MGA: variants seen among roughly 807,000 people sequenced by gnomAD.
MGA encodes the protein MAX dimerization protein MGA.
A neutral mutation model predicts 261.1 loss-of-function variants in MGA; 40 were observed. The observed-to-expected ratio is 0.15, with a 90% confidence interval of 0.12 to 0.20. MGA has a LOEUF of 0.20. Ranked by LOEUF, MGA falls within the 10% of genes least tolerant of loss-of-function variation. MGA has a pLI of 1.00. For synonymous variants in MGA, 1,302 were observed against 1,290.6 expected (o/e 1.01, Z -0.19); for missense variants, 3,397 against 3,630.5 (o/e 0.94, Z 1.65).
chr15:41,736,481 A>G lies in MGA; in HGVS notation c.4217A>G (p.Asp1406Gly), dbSNP rs977834935. The G allele has an allele frequency of 1.2e-6, 2 of 1,613,876 alleles. No homozygotes were observed. The highest frequency in any genetic ancestry group is 2.7e-5 in the African/African-American group (2 of 74,914). The change falls in exon 13 of 24, where the codon GAT becomes GGT. Residue 1406 changes from aspartate to glycine, a missense_variant. By Grantham distance (94) the Asp-to-Gly change is moderately conservative. Around this residue, in one of 9 missense-constraint regions of MGA, gnomAD observed 1,410 missense variants for 1,386.4 expected, o/e 1.02. Coordinates refer to ENST00000219905, the MANE Select transcript of MGA (RefSeq NM_001164273.2). ...TCTATGCCATCATGTCAAGACCAAG[A>G]TGATATGGCTGAGAAATCTGGATCA... is the stretch of plus-strand genomic sequence containing the variant.
intron 15 of MGA, among the ~76,000 whole-genome samples, chr15:41,746,411 G>A (rs879519165): frequency 1.3e-5 from 2 of 151,996 alleles, no homozygotes; most frequent in Admixed American, 6.6e-5. Flanking sequence ...GGATGTGGTG[G>A]TTGCATGCCT....
In MGA at chr15:41,736,558, G is replaced by T; in HGVS notation, c.4294G>T (p.Val1432Leu). ...TGGGAAAATGGAGGATATCTCTCCT[G>T]TGCAGACAGATGCCCTGGATTCAGT... The change falls in exon 13 of 24, where the codon GTG becomes TTG. Residue 1432 changes from valine (V) to leucine (L), a missense_variant. Physicochemically the swap from Val to Leu is conservative, Grantham distance 32 (BLOSUM62 1). Transcript: ENST00000219905. The T allele has an allele frequency of 1.2e-6, 2 of 1,614,018 alleles. No homozygotes were observed. Among genetic ancestry groups the T allele is most frequent in the Non-Finnish European group, 1.7e-6 (2 of 1,179,890 alleles).
intron 4 of MGA, 44 bp downstream of exon 4, chr15:41,698,985 C>T (rs1286563205): frequency 1.9e-6 from 3 of 1,542,690 alleles, no homozygotes; most frequent in African/African-American, 2.7e-5. Context: ...GTGGTTTGGG[C>T]TCCAGCAATG....
intron 1 of MGA, among the ~76,000 whole-genome samples, chr15:41,638,286 G>A (rs1211637789): frequency 6.6e-6 from 1 of 151,570 alleles, no homozygotes; most frequent in Non-Finnish European, 1.5e-5. Context: ...CAGGTGATCC[G>A]CCTGTCTCGG....
intron 5 of MGA, among the ~76,000 whole-genome samples, chr15:41,704,134 T>C (rs2059991317): frequency 6.6e-6 from 1 of 152,180 alleles, no homozygotes; most frequent in African/African-American, 2.4e-5. Flanking sequence ...TAATTTCCTT[T>C]ATGAGTAATG....
chr15:41,711,468 A>T, intron 8 of MGA, 119 bp downstream of exon 8: 1 of 1,025,456 alleles, frequency 9.8e-7, no homozygotes, highest in Non-Finnish European at 1.4e-6. Context: ...TAGCATTTAG[A>T]ACCTTCATGG....
intron 2 of MGA, chr15:41,684,463 AT>A: frequency 7.2e-6 from 3 of 416,940 alleles, no homozygotes; most frequent in Admixed American, 3.0e-5. Context: ...TGTTTGTGAA[AT>A]TTTTTCCCCA....
At chr15:41,709,554 C>T (rs1445575710) in intron 7 of MGA, among the ~76,000 whole-genome samples, 1 of 151,882 alleles carries the variant, frequency 6.6e-6, no homozygotes, top group Non-Finnish European at 1.5e-5. Flanking sequence ...AAGTGATTCT[C>T]CCTGCTCAGC....
intron 9 of MGA, among the ~76,000 whole-genome samples, chr15:41,714,647 G>A (rs2060538702): frequency 6.6e-6 from 1 of 152,074 alleles, no homozygotes; most frequent in Non-Finnish European, 1.5e-5. Flanking sequence ...GGGATTATAG[G>A]TGTCCAGCTA....
chr15:41,738,706 C>G (rs779199972), intron 13 of MGA, among the ~76,000 whole-genome samples: 2 of 152,154 alleles, frequency 1.3e-5, no homozygotes, highest in Non-Finnish European at 2.9e-5. Flanking sequence ...ACTTTGTAAA[C>G]TTTGGGGAAG....
chr15:41,669,765 C>A lies in MGA; in HGVS notation c.871C>A (p.Arg291=), dbSNP rs753015602. The change falls in exon 2 of 24, where the codon CGG becomes AGG. Residue 291 remains arginine (R), a synonymous_variant. Coordinates refer to ENST00000219905, the MANE Select transcript of MGA (RefSeq NM_001164273.2). ...TAATATTTCCAGTTCTTCTGGTCAT[C>A]GGGTCCGTCTTACAGAAGGTCAGGG... 3.1e-6 allele frequency: 5 copies of A among 1,613,736 alleles called. No homozygotes were observed. The highest frequency in any genetic ancestry group is 4.2e-6 in the Non-Finnish European group (5 of 1,179,838).
chr15:41,692,918 G>C (rs1317329343), intron 2 of MGA, among the ~76,000 whole-genome samples: 1 of 152,054 alleles, frequency 6.6e-6, no homozygotes, highest in Non-Finnish European at 1.5e-5. Context: ...TTACCATGTT[G>C]AACTCCTGAC....
At chr15:41,652,581 A>T in intron 1 of MGA, among the ~76,000 whole-genome samples, 1 of 147,018 alleles carries the variant, frequency 6.8e-6, no homozygotes, top group Non-Finnish European at 1.5e-5. Context: ...CTGTGTTGCC[A>T]GGCTGGTCTC....
intron 5 of MGA, among the ~76,000 whole-genome samples, chr15:41,700,040 G>A (rs1019993127): frequency 2.4e-5 from 3 of 125,182 alleles, no homozygotes; most frequent in Non-Finnish European, 5.1e-5. Flanking sequence ...CTGTCATCGA[G>A]GTTTTTTTTT....
In MGA at chr15:41,710,909, A is replaced by G; in HGVS notation, c.2644A>G (p.Thr882Ala). 1 of 1,613,848 alleles carries G rather than the reference A, an allele frequency of 6.2e-7. No homozygotes were observed. The highest frequency in any genetic ancestry group is 8.5e-7 in the Non-Finnish European group (1 of 1,179,840). Residue 882 changes from threonine (T) to alanine (A), a missense_variant, in exon 8 of 24, where the codon ACC becomes GCC. Coordinates refer to ENST00000219905, the MANE Select transcript of MGA (RefSeq NM_001164273.2). ...GAAGCAATCTACTATTTCCCCTTCTACCTCTTATTCTTTGAAACCTCATTC... is the reference window on the plus strand; with the variant it reads ...GAAGCAATCTACTATTTCCCCTTCTGCCTCTTATTCTTTGAAACCTCATTC...
At chr15:41,729,076 A>G (rs2061384173) in intron 10 of MGA, 88 bp from the exon 11 acceptor site, 16 of 1,361,680 alleles carry the variant, frequency 1.2e-5, no homozygotes, top group Non-Finnish European at 1.5e-5. Flanking sequence ...CTGTTGTAAT[A>G]CAAAAAAAGA....
In MGA at chr15:41,696,453, T is replaced by G. The variant is rs2151298877; in HGVS notation, c.1443T>G (p.Val481=). 1 of 1,614,008 alleles carries G rather than the reference T, an allele frequency of 6.2e-7. No individual in the cohort carries two copies. Among genetic ancestry groups the G allele is most frequent in the Non-Finnish European group, 8.5e-7 (1 of 1,179,894 alleles). ...CCTGTGCTGTCACCAGAAGCACAGT[T>G]AAGATTTCTGAACTCCCCGATAACA... Residue 481 remains valine, a synonymous_variant, in exon 3 of 24, where the codon GTT becomes GTG. Coordinates refer to ENST00000219905, the MANE Select transcript of MGA (RefSeq NM_001164273.2).
In MGA at chr15:41,767,351, C is replaced by G. The variant is rs2063851819; in HGVS notation, c.*71C>G. ...TCTCACCTCCTTTCTCTGCAGGCATCTGTTTGTTTGTGTCTTAGAACTTGG... is the reference window on the plus strand; with the variant it reads ...TCTCACCTCCTTTCTCTGCAGGCATGTGTTTGTTTGTGTCTTAGAACTTGG... On this transcript the variant is annotated 3_prime_UTR_variant, in exon 24 of 24. Transcript: ENST00000219905. 6.8e-7 allele frequency: 1 copy of G among 1,479,710 alleles called. No individual in the cohort carries two copies. The highest frequency in any genetic ancestry group is 2.0e-5 in the Admixed American group (1 of 49,306). 91.7% of individuals were successfully genotyped at this position (1,479,710 alleles called of 1,614,324 possible). A position where few individuals can be genotyped will look rare whatever the true frequency, so the allele number is the denominator to read the frequency against.
intron 15 of MGA, among the ~76,000 whole-genome samples, chr15:41,747,566 CAA>C (rs1203197778): frequency 5.1e-5 from 6 of 117,708 alleles, no homozygotes; most frequent in Non-Finnish European, 1.8e-5. Flanking sequence ...TCCATCTCCA[CAA>C]AAAAAAAAAA....
Sources: gnomAD v4.1 joint callset for allele counts (sites outside exome capture counted in the v4.1 genomes callset) on GRCh38, gnomAD v4.1.1 for gene constraint, gnomAD v4.1.1 regional missense constraint, MANE v1.5 for transcripts, NCBI Gene and HGNC (gene_info 2026-07-23, HGNC 2026-07-21) for gene names.